The following LIN7A variants were observed in gnomAD, a reference collection of about 807,000 sequenced individuals.
LIN7A encodes the protein lin-7 cell polarity scaffold A.
A neutral mutation model predicts 29.8 loss-of-function variants in LIN7A; 25 were observed. That is an observed-to-expected ratio of 0.84 (90% CI 0.61 to 1.17). The LOEUF (loss-of-function observed/expected upper bound fraction) is 1.17. Among genes scored for constraint, LIN7A ranks in the 50% most tolerant of loss-of-function variants. The pLI, the probability that LIN7A is intolerant of heterozygous loss-of-function variation, is 0.00. For missense variants in LIN7A, 239 were observed against 287.0 expected (o/e 0.83, Z 1.21); for synonymous variants, 118 against 107.5 (o/e 1.10, Z -0.60).
At chr12:80,859,884 G>A (rs1873778461) in intron 2 of LIN7A, among the ~76,000 whole-genome samples, 1 of 151,978 alleles carries the variant, frequency 6.6e-6, no homozygotes, top group South Asian at 2.1e-4. Flanking sequence ...TTTAAATCAA[G>A]CCAATCATTA....
At chr12:80,874,930 G>A (rs1441261663) in intron 2 of LIN7A, among the ~76,000 whole-genome samples, 1 of 152,204 alleles carries the variant, frequency 6.6e-6, no homozygotes, top group African/African-American at 2.4e-5. Context: ...GAACCCAGGA[G>A]GCAGAGCTTG....
At chr12:80,821,514 T>C (rs1010015113) in intron 4 of LIN7A, among the ~76,000 whole-genome samples, 1 of 152,244 alleles carries the variant, frequency 6.6e-6, no homozygotes, top group Non-Finnish European at 1.5e-5. Context: ...GGCTGTTGAC[T>C]GATCACAGTA....
intron 2 of LIN7A, among the ~76,000 whole-genome samples, chr12:80,874,217 A>C (rs762221762): frequency 1.3e-5 from 2 of 152,190 alleles, no homozygotes; most frequent in Non-Finnish European, 2.9e-5. Flanking sequence ...TATTTAAGAA[A>C]ATAGGCTTTC....
At chr12:80,807,082 T>TGTTTTTTTTGTTTTG (rs1565883912) in intron 5 of LIN7A, among the ~76,000 whole-genome samples, 2 of 134,634 alleles carry the variant, frequency 1.5e-5, no homozygotes, top group South Asian at 4.7e-4. Context: ...TTTTTTTTTT[T>TGTTTTTTTTGTTTTG]TTTTTTTTTG....
intron 5 of LIN7A, among the ~76,000 whole-genome samples, chr12:80,800,489 C>CAAA (rs55772850): frequency 3.2e-4 from 12 of 38,074 alleles, no homozygotes; most frequent in African/African-American, 8.1e-4. Flanking sequence ...AACTCCGTCT[C>CAAA]AAAAAAAAAA....
chr12:80,891,908 G>C (rs907114733), intron 1 of LIN7A, among the ~76,000 whole-genome samples: 1 of 152,156 alleles, frequency 6.6e-6, no homozygotes, highest in African/African-American at 2.4e-5. Context: ...GCTGAAAACA[G>C]GGTGAGAGTA....
intron 1 of LIN7A, among the ~76,000 whole-genome samples, chr12:80,920,953 A>C (rs1877269173): frequency 6.6e-6 from 1 of 152,192 alleles, no homozygotes; most frequent in Admixed American, 6.5e-5. Context: ...CAGCTACTTA[A>C]GACAGAGGAT....
chr12:80,918,623 C>T (rs192984664), intron 1 of LIN7A, among the ~76,000 whole-genome samples: 2 of 152,200 alleles, frequency 1.3e-5, no homozygotes. Flanking sequence ...ATTCTACTCC[C>T]TCATTTTCAA....
In LIN7A at chr12:80,794,617, C is replaced by A. The variant is rs750085986; in HGVS notation, c.*3110G>T. ...ATTTGTAAATCTGTGTAATCCATCT[C>A]GAGCCAAGTTCTTTGGAGACAGTCT... is the stretch of plus-strand genomic sequence containing the variant. On this transcript the variant is annotated 3_prime_UTR_variant, in exon 6 of 6. Coordinates refer to ENST00000552864, the MANE Select transcript of LIN7A (RefSeq NM_004664.4). 4 of 152,058 alleles carry A rather than the reference C, an allele frequency of 2.6e-5. No individual in the cohort carries two copies. The highest frequency in any genetic ancestry group is 2.9e-5 in the Non-Finnish European group (2 of 68,012). The allele number at this position is 152,058 out of a possible 1,614,324, so 9.4% of individuals were successfully genotyped here.
chr12:80,819,351 A>C (rs1258167363), intron 4 of LIN7A, among the ~76,000 whole-genome samples: 8 of 152,180 alleles, frequency 5.3e-5, no homozygotes. Flanking sequence ...AGAAAAGTGG[A>C]AAATGTATTA....
intron 4 of LIN7A, chr12:80,832,713 G>T (rs188267468): frequency 2.4e-4 from 105 of 429,450 alleles, no homozygotes; most frequent in African/African-American, 2.0e-3. Flanking sequence ...GCTATGATTT[G>T]GTAGAAGTCC....
intron 1 of LIN7A, among the ~76,000 whole-genome samples, chr12:80,893,644 C>T (rs1875738753): frequency 6.6e-6 from 1 of 152,140 alleles, no homozygotes; most frequent in African/African-American, 2.4e-5. Context: ...TCTCTTCCAA[C>T]AACTAAGTAA....
chr12:80,828,005 A>T (rs185762035), intron 4 of LIN7A, among the ~76,000 whole-genome samples: 1 of 152,250 alleles, frequency 6.6e-6, no homozygotes, highest in African/African-American at 2.4e-5. Context: ...CAGCTACGAG[A>T]TGCTCAACTC....
At chr12:80,916,063 G>A (rs1877016791) in intron 1 of LIN7A, among the ~76,000 whole-genome samples, 1 of 152,108 alleles carries the variant, frequency 6.6e-6, no homozygotes, top group Non-Finnish European at 1.5e-5. Context: ...TGTTTACTAA[G>A]GCTTCCAAAG....
intron 4 of LIN7A, among the ~76,000 whole-genome samples, chr12:80,828,002 G>A (rs1412923446): frequency 2.0e-5 from 3 of 151,842 alleles, no homozygotes; most frequent in Non-Finnish European, 4.4e-5. Flanking sequence ...TCTCAGCTAC[G>A]AGATGCTCAA....
At chr12:80,886,410 AT>A (rs1565915927) in intron 2 of LIN7A, among the ~76,000 whole-genome samples, 1 of 152,098 alleles carries the variant, frequency 6.6e-6, no homozygotes, top group Admixed American at 6.6e-5. Context: ...AAGATTCATA[AT>A]ATTATTCAGA....
chr12:80,937,509 C>A, intron 1 of LIN7A, 132 bp downstream of exon 1: 1 of 532,256 alleles, frequency 1.9e-6, no homozygotes, highest in Non-Finnish European at 3.1e-6. Context: ...GGCGCGAACG[C>A]CTTCCTGGCT....
chr12:80,871,816 A>G (rs1267604824), intron 2 of LIN7A, among the ~76,000 whole-genome samples: 2 of 151,868 alleles, frequency 1.3e-5, no homozygotes, highest in African/African-American at 4.8e-5. Flanking sequence ...AAACCTTTTT[A>G]TCACTAGGAA....
chr12:80,834,760 T>A (rs751663393), intron 4 of LIN7A, among the ~76,000 whole-genome samples: 14 of 152,234 alleles, frequency 9.2e-5, no homozygotes, highest in Admixed American at 6.5e-5. Context: ...TGTATCAGTG[T>A]CTTCTGTTTT....
Sources: gnomAD v4.1 joint callset for allele counts (sites outside exome capture counted in the v4.1 genomes callset) on GRCh38, gnomAD v4.1.1 for gene constraint, MANE v1.5 for transcripts, NCBI Gene and HGNC (gene_info 2026-07-23, HGNC 2026-07-21) for gene names.